Variants in ALDH18A1 observed in about 807,000 individuals in gnomAD.
ALDH18A1 encodes the protein delta-1-pyrroline-5-carboxylate synthase.
Under a neutral mutation model 88.8 loss-of-function variants are expected in ALDH18A1, and 44 were observed. That is an observed-to-expected ratio of 0.50 (90% CI 0.39 to 0.64). ALDH18A1 has a LOEUF of 0.64. Among genes scored for constraint, ALDH18A1 ranks in the 30% least tolerant of loss-of-function variants. The pLI, the probability that ALDH18A1 is intolerant of heterozygous loss-of-function variation, is 0.00. For missense variants in ALDH18A1, 782 were observed against 1,009.5 expected, an observed-to-expected ratio of 0.77 and a Z score of 3.05; for synonymous variants, 331 against 372.1, an observed-to-expected ratio of 0.89 and a Z score of 1.27.
At chr10:95,641,238 T>C (rs568162208) in intron 3 of ALDH18A1, among the ~76,000 whole-genome samples, 2 of 152,224 alleles carry the variant, frequency 1.3e-5, no homozygotes, top group Admixed American at 6.5e-5. Flanking sequence ...CTCATCTGAG[T>C]TTCCCACCTC....
At chr10:95,615,148 C>T (rs954418897) in intron 13 of ALDH18A1, among the ~76,000 whole-genome samples, 5 of 151,920 alleles carry the variant, frequency 3.3e-5, no homozygotes, top group Non-Finnish European at 7.4e-5. Context: ...CATGGTGAAA[C>T]CCTGTCTCTA....
intron 11 of ALDH18A1, among the ~76,000 whole-genome samples, chr10:95,622,765 C>T (rs999596327): frequency 6.6e-6 from 1 of 151,786 alleles, no homozygotes; most frequent in Non-Finnish European, 1.5e-5. Flanking sequence ...TCTCCATCTC[C>T]TGACCTTGTG....
intron 3 of ALDH18A1, among the ~76,000 whole-genome samples, chr10:95,638,723 T>A (rs2097885804): frequency 6.6e-6 from 1 of 152,172 alleles, no homozygotes; most frequent in African/African-American, 2.4e-5. Context: ...CTTTGTTTCC[T>A]ACCTTAAGCA....
At position 95,606,131 on chromosome 10, in the gene ALDH18A1, C is replaced by T. The variant is rs1555255208; in HGVS notation, c.*631G>A. ...CTGAAACTTGCATCTCCTGCTGCAG[C>T]TTGGGTTCCAGCTGCATCACGGGGA... On this transcript the variant is annotated 3_prime_UTR_variant, in exon 18 of 18. Coordinates refer to ENST00000371224, the MANE Select transcript of ALDH18A1 (RefSeq NM_002860.4). The T allele has an allele frequency of 1.9e-6, 1 of 515,190 alleles. No individual in the cohort carries two copies. Among genetic ancestry groups the T allele is most frequent in the Non-Finnish European group, 2.5e-6 (1 of 399,880 alleles). 31.9% of individuals were successfully genotyped at this position (515,190 alleles called of 1,614,324 possible). A position where few individuals can be genotyped will look rare whatever the true frequency, so the allele number is the denominator to read the frequency against.
At chr10:95,629,755 C>G (rs2097865378) in intron 7 of ALDH18A1, among the ~76,000 whole-genome samples, 1 of 152,028 alleles carries the variant, frequency 6.6e-6, no homozygotes, top group Non-Finnish European at 1.5e-5. Flanking sequence ...CCACCAAGAG[C>G]ATAGTTAAAA....
intron 3 of ALDH18A1, among the ~76,000 whole-genome samples, chr10:95,637,842 G>T (rs1435737188): frequency 6.6e-6 from 1 of 151,942 alleles, no homozygotes; most frequent in Non-Finnish European, 1.5e-5. Context: ...GGTAGTGCAT[G>T]CCAGCTACTT....
intron 11 of ALDH18A1, among the ~76,000 whole-genome samples, chr10:95,624,742 C>T (rs925927830): frequency 6.6e-6 from 1 of 152,180 alleles, no homozygotes; most frequent in South Asian, 2.1e-4. Context: ...TGGATGGCAC[C>T]TGGTGCTAAC....
At chr10:95,620,439 C>T (rs532560923) in intron 12 of ALDH18A1, among the ~76,000 whole-genome samples, 2 of 152,230 alleles carry the variant, frequency 1.3e-5, no homozygotes, top group East Asian at 1.9e-4. Context: ...TGGGTATATA[C>T]CCAAAGGATT....
chr10:95,606,608 T>A lies in ALDH18A1; in HGVS notation c.*154A>T. ...CCAGACTGTGCACATCAGCCAAGACTGCTATTGCCAAACGGAGCCCAGAAG... is the reference window on the plus strand; with the variant it reads ...CCAGACTGTGCACATCAGCCAAGACAGCTATTGCCAAACGGAGCCCAGAAG... On this transcript the variant is annotated 3_prime_UTR_variant, in exon 18 of 18. Transcript: ENST00000371224. The A allele has an allele frequency of 6.3e-7, 1 of 1,583,322 alleles. No homozygotes were observed. Among genetic ancestry groups the A allele is most frequent in the Admixed American group, 1.7e-5 (1 of 57,716 alleles).
chr10:95,637,558 T>A, intron 3 of ALDH18A1, 122 bp from the exon 4 acceptor site: 1 of 1,182,506 alleles, frequency 8.5e-7, no homozygotes, highest in Non-Finnish European at 1.2e-6. Flanking sequence ...TGAACCAGCA[T>A]GTGGCTGGCT....
intron 17 of ALDH18A1, among the ~76,000 whole-genome samples, chr10:95,608,650 C>T (rs758600731): frequency 1.1e-4 from 16 of 151,876 alleles, no homozygotes; most frequent in South Asian, 2.1e-4. Flanking sequence ...TACAGGCTCA[C>T]GCCACCACAC....
At chr10:95,649,036 T>C (rs2097905687) in intron 2 of ALDH18A1, among the ~76,000 whole-genome samples, 1 of 152,176 alleles carries the variant, frequency 6.6e-6, no homozygotes, top group Admixed American at 6.5e-5. Context: ...GATTAGTTGA[T>C]TGGCAAGTCA....
intron 2 of ALDH18A1, among the ~76,000 whole-genome samples, chr10:95,645,829 G>T (rs1566042714): frequency 6.6e-6 from 1 of 152,022 alleles, no homozygotes; most frequent in Non-Finnish European, 1.5e-5. Flanking sequence ...GGAGTCCCTG[G>T]GACTAAAAGA....
intron 17 of ALDH18A1, among the ~76,000 whole-genome samples, chr10:95,609,310 T>C (rs1025928456): frequency 6.6e-6 from 1 of 152,276 alleles, no homozygotes; most frequent in Admixed American, 6.5e-5. Context: ...CAAGGTCTGC[T>C]GTAGAAGGTA....
At chr10:95,649,806 G>T (rs1385352405) in intron 2 of ALDH18A1, among the ~76,000 whole-genome samples, 1 of 151,958 alleles carries the variant, frequency 6.6e-6, no homozygotes, top group East Asian at 1.9e-4. Flanking sequence ...GCTTGAGCCT[G>T]GGACGTTGAG....
chr10:95,631,742 C>CAAAAAAAAAA (rs71034341), intron 7 of ALDH18A1, among the ~76,000 whole-genome samples: 2 of 76,480 alleles, frequency 2.6e-5, no homozygotes, highest in Non-Finnish European at 4.9e-5. Flanking sequence ...GGCTCTGCCT[C>CAAAAAAAAAA]AAAAAAAAAA....
At chr10:95,652,492 G>C (rs2139667286) in intron 2 of ALDH18A1, among the ~76,000 whole-genome samples, 1 of 152,322 alleles carries the variant, frequency 6.6e-6, no homozygotes, top group South Asian at 2.1e-4. Context: ...AACACTTTGG[G>C]AGGGAGGCCG....
At chr10:95,642,153 A>G (rs1202441066) in intron 3 of ALDH18A1, among the ~76,000 whole-genome samples, 14 of 152,144 alleles carry the variant, frequency 9.2e-5, no homozygotes, top group African/African-American at 3.4e-4. Flanking sequence ...TATCTGTGGG[A>G]TGCCTGGATG....
At chr10:95,620,707 G>A (rs2097850780) in intron 12 of ALDH18A1, among the ~76,000 whole-genome samples, 2 of 150,342 alleles carry the variant, frequency 1.3e-5, no homozygotes, top group Admixed American at 6.7e-5. Flanking sequence ...ACCAAACAAT[G>A]CATGTTCTCA....
Sources: gnomAD v4.1 joint callset for allele counts (sites outside exome capture counted in the v4.1 genomes callset) on GRCh38, gnomAD v4.1.1 for gene constraint, MANE v1.5 for transcripts, NCBI Gene and HGNC (gene_info 2026-07-23, HGNC 2026-07-21) for gene names.